ADAMTSL1: variants seen among roughly 807,000 people sequenced by gnomAD.
The protein encoded by ADAMTSL1 is ADAMTS like 1, also known as ADAMTS-like protein 1.
Under a neutral mutation model 201.8 loss-of-function variants are expected in ADAMTSL1, and 126 were observed. That is an observed-to-expected ratio of 0.62 (90% CI 0.54 to 0.72). The LOEUF is 0.72. ADAMTSL1 is among the 30% of genes least tolerant of loss of function. ADAMTSL1 has a pLI of 0.00. For synonymous variants in ADAMTSL1, 1,121 were observed against 903.4 expected, an observed-to-expected ratio of 1.24 and a Z score of -4.32; for missense variants, 2,679 against 2,277.8, an observed-to-expected ratio of 1.18 and a Z score of -3.59.
intron 1 of ADAMTSL1, among the ~76,000 whole-genome samples, chr9:18,504,316 A>C (rs1208446747): frequency 6.6e-6 from 1 of 152,188 alleles, no homozygotes; most frequent in Non-Finnish European, 1.5e-5. Context: ...TGCTAAAGTT[A>C]TTTGTATAGT....
intron 2 of ADAMTSL1, among the ~76,000 whole-genome samples, chr9:18,387,205 T>C (rs1837832308): frequency 6.6e-6 from 1 of 152,126 alleles, no homozygotes. Flanking sequence ...CAAACTGTTT[T>C]ATTGTGAAAT....
At chr9:18,134,521 G>A (rs557112674) in intron 1 of ADAMTSL1, among the ~76,000 whole-genome samples, 2 of 152,202 alleles carry the variant, frequency 1.3e-5, no homozygotes, top group African/African-American at 4.8e-5. Context: ...TATATAATTT[G>A]TTGAGATGAG....
At chr9:18,524,957 A>G (rs2132054189) in intron 2 of ADAMTSL1, among the ~76,000 whole-genome samples, 1 of 152,344 alleles carries the variant, frequency 6.6e-6, no homozygotes, top group Non-Finnish European at 1.5e-5. Flanking sequence ...TGGCCTCATA[A>G]AATGAGTGAG....
intron 2 of ADAMTSL1, among the ~76,000 whole-genome samples, chr9:18,405,308 G>A (rs1008461646): frequency 6.6e-6 from 1 of 152,136 alleles, no homozygotes; most frequent in South Asian, 2.1e-4. Context: ...CTGCTGTGTT[G>A]TCTTCATTTA....
chr9:18,574,441 T>C (rs756128108), intron 4 of ADAMTSL1, 175 bp downstream of exon 4: 25 of 697,276 alleles, frequency 3.6e-5, no homozygotes, highest in African/African-American at 1.2e-4. Context: ...AAGTGTTGTA[T>C]TGTGCGAAGG....
At chr9:18,509,668 A>C (rs2131962445) in intron 2 of ADAMTSL1, among the ~76,000 whole-genome samples, 1 of 152,336 alleles carries the variant, frequency 6.6e-6, no homozygotes, top group East Asian at 1.9e-4. Flanking sequence ...GGTGTAAGAG[A>C]GAGCAATTCC....
chr9:18,786,899 T>C (rs1821741543), intron 19 of ADAMTSL1, among the ~76,000 whole-genome samples: 1 of 152,126 alleles, frequency 6.6e-6, no homozygotes, highest in Non-Finnish European at 1.5e-5. Flanking sequence ...TGTTCCAAAG[T>C]GGTGCTGAAT....
chr9:18,807,683 G>C (rs1184972131), intron 20 of ADAMTSL1, among the ~76,000 whole-genome samples: 3 of 151,174 alleles, frequency 2.0e-5, no homozygotes, highest in Non-Finnish European at 2.9e-5. Context: ...AGCATACATA[G>C]TACTGACTGC....
intron 1 of ADAMTSL1, among the ~76,000 whole-genome samples, chr9:17,969,334 C>T (rs1474475375): frequency 3.3e-5 from 5 of 151,922 alleles, no homozygotes; most frequent in East Asian, 1.9e-4. Flanking sequence ...GCAGTGAGTA[C>T]AATGTGACAA....
At chr9:18,583,604 A>G (rs1587636160) in intron 4 of ADAMTSL1, among the ~76,000 whole-genome samples, 1 of 152,300 alleles carries the variant, frequency 6.6e-6, no homozygotes, top group South Asian at 2.1e-4. Context: ...GCAGAATGGT[A>G]GATCCACTGA....
intron 26 of ADAMTSL1, among the ~76,000 whole-genome samples, chr9:18,904,032 T>C (rs902423755): frequency 1.6e-4 from 25 of 152,134 alleles, no homozygotes; most frequent in South Asian, 2.1e-4. Flanking sequence ...TTCACAGGCA[T>C]GATCATGGTG....
At chr9:18,370,124 A>G (rs1216108121) in intron 2 of ADAMTSL1, among the ~76,000 whole-genome samples, 1 of 152,118 alleles carries the variant, frequency 6.6e-6, no homozygotes, top group Non-Finnish European at 1.5e-5. Context: ...TACTAAAAAT[A>G]CAAAAATTAG....
At chr9:18,534,911 G>C (rs1268711424) in intron 3 of ADAMTSL1, among the ~76,000 whole-genome samples, 1 of 152,198 alleles carries the variant, frequency 6.6e-6, no homozygotes, top group Non-Finnish European at 1.5e-5. Flanking sequence ...CACAGACCTG[G>C]TCCAGGAAAC....
At chr9:18,038,689 C>T (rs1821308260) in intron 1 of ADAMTSL1, among the ~76,000 whole-genome samples, 1 of 152,092 alleles carries the variant, frequency 6.6e-6, no homozygotes, top group African/African-American at 2.4e-5. Context: ...GATTTGAATC[C>T]CAGCTCCATT....
chr9:18,575,660 A>G (rs1822667529), intron 4 of ADAMTSL1, among the ~76,000 whole-genome samples: 1 of 152,184 alleles, frequency 6.6e-6, no homozygotes, highest in South Asian at 2.1e-4. Flanking sequence ...AAACAAAAGA[A>G]TAATAACTCC....
At chr9:18,624,924 T>A (rs984769951) in intron 5 of ADAMTSL1, among the ~76,000 whole-genome samples, 7 of 152,236 alleles carry the variant, frequency 4.6e-5, no homozygotes, top group South Asian at 2.1e-4. Flanking sequence ...TGATGATGTC[T>A]CATGACAAAA....
At chr9:18,370,046 G>A (rs1204086634) in intron 2 of ADAMTSL1, among the ~76,000 whole-genome samples, 12 of 152,134 alleles carry the variant, frequency 7.9e-5, no homozygotes, top group African/African-American at 2.4e-4. Context: ...TTGGGAGGCC[G>A]AGGCTGGTGG....
chr9:18,166,897 A>G (rs1484928624), intron 2 of ADAMTSL1, among the ~76,000 whole-genome samples: 2 of 151,944 alleles, frequency 1.3e-5, no homozygotes, highest in African/African-American at 4.8e-5. Context: ...TACTTTCTCA[A>G]TCCCTTCTCA....
At chr9:18,001,690 C>T (rs1056670665) in intron 1 of ADAMTSL1, among the ~76,000 whole-genome samples, 1 of 151,884 alleles carries the variant, frequency 6.6e-6, no homozygotes, top group Admixed American at 6.6e-5. Context: ...AGAAACAATG[C>T]ATATGTTGAA....
Sources: gnomAD v4.1 joint callset for allele counts (sites outside exome capture counted in the v4.1 genomes callset) on GRCh38, gnomAD v4.1.1 for gene constraint, MANE v1.5 for transcripts, NCBI Gene and HGNC (gene_info 2026-07-23, HGNC 2026-07-21) for gene names.